The following SETD5 variants were observed in gnomAD, a reference collection of about 807,000 sequenced individuals.
SETD5 encodes histone-lysine N-methyltransferase SETD5.
SETD5 carries 44 observed loss-of-function variants against 153.3 expected under a neutral mutation model. The observed-to-expected ratio is 0.29, with a 90% CI of 0.23 to 0.37. The LOEUF (loss-of-function observed/expected upper bound fraction) is 0.37, where lower values mean the gene tolerates loss of function less well. Ranked by LOEUF, SETD5 falls within the 10% of genes least tolerant of loss-of-function variation. The pLI is 1.00. For synonymous variants in SETD5, 716 were observed against 645.2 expected, an observed-to-expected ratio of 1.11 and a Z score of -1.66; for missense variants, 1,544 against 1,768.0, an observed-to-expected ratio of 0.87 and a Z score of 2.27.
At chr3:9,471,586 C>G (rs772545114) in intron 19 of SETD5, among the ~76,000 whole-genome samples, 8 of 152,266 alleles carry the variant, frequency 5.3e-5, no homozygotes, top group Admixed American at 1.3e-4. Flanking sequence ...CCGGGGGAGC[C>G]AGGAGGAAAG....
In SETD5 at chr3:9,474,572, G is replaced by A; in HGVS notation, c.3621G>A (p.Glu1207=). The A allele has an allele frequency of 6.2e-7, 1 of 1,613,770 alleles. No individual in the cohort carries two copies. The highest frequency in any genetic ancestry group is 2.2e-5 in the East Asian group (1 of 44,872). Residue 1207 remains glutamate (E), a synonymous_variant, in exon 21 of 23, where the codon GAG becomes GAA. Coordinates refer to ENST00000402198, the MANE Select transcript of SETD5 (RefSeq NM_001080517.3). The part of the protein sequence containing the change: ...PSPTWESNIT[E]KDSDPADGEG... ...CCACATGGGAGAGTAACATCACAGAGAAAGACTCAGGTGAGCCCATGGCCT... is the reference window on the plus strand; with the variant it reads ...CCACATGGGAGAGTAACATCACAGAAAAAGACTCAGGTGAGCCCATGGCCT...
At chr3:9,427,729 T>C (rs908698782) in intron 2 of SETD5, among the ~76,000 whole-genome samples, 6 of 152,216 alleles carry the variant, frequency 3.9e-5, no homozygotes, top group African/African-American at 1.4e-4. Context: ...CATGGGTCTT[T>C]GACATTCACA....
intron 3 of SETD5, chr3:9,429,695 A>G (rs2039748715): frequency 5.3e-6 from 2 of 377,910 alleles, no homozygotes; most frequent in Admixed American, 4.7e-5. Flanking sequence ...AACTTTATAT[A>G]TATTATTCAC....
At chr3:9,436,824 T>C (rs1421108109) in intron 7 of SETD5, 2 of 1,549,412 alleles carry the variant, frequency 1.3e-6, no homozygotes, top group East Asian at 4.9e-5. Context: ...TTTTGTTTGT[T>C]CTACTTGTTT....
intron 7 of SETD5, among the ~76,000 whole-genome samples, chr3:9,437,524 T>TGTGTGTGTGTGTGTGTGTGTGC (rs1559407684): frequency 6.8e-6 from 1 of 147,798 alleles, no homozygotes; most frequent in African/African-American, 2.5e-5. Flanking sequence ...CTCCTTTACG[T>TGTGTGTGTGTGTGTGTGTGTGC]GTGTGTGTGT....
intron 21 of SETD5, chr3:9,474,812 C>T: frequency 1.6e-6 from 1 of 634,220 alleles, no homozygotes; most frequent in Non-Finnish European, 2.7e-6. Flanking sequence ...TTCTGTAACT[C>T]TCATCTCTCC....
At position 9,445,569 on chromosome 3, in the gene SETD5, GTTA is replaced by G. The variant is rs2125241297; in HGVS notation, c.1441-86_1441-84del. Reference sequence around the variant, plus strand: ...TTAACAGTTTAAAGCACTAGAGATTGTTATAGAGAGTTTTAAGCTACCAGAATA... The same window carrying G: ...TTAACAGTTTAAAGCACTAGAGATTGTAGAGAGTTTTAAGCTACCAGAATA... On this transcript the variant is annotated intron_variant, in intron 12 of 22. Transcript: ENST00000402198. 11 of 1,186,708 alleles carry G rather than the reference GTTA, an allele frequency of 9.3e-6. No individual in the cohort carries two copies. The South Asian group carries it at 1.4e-4, about 15-fold the overall frequency. 73.5% of individuals were successfully genotyped at this position (1,186,708 alleles called of 1,614,324 possible).
chr3:9,461,581 AAG>A (rs1477264588), intron 17 of SETD5, among the ~76,000 whole-genome samples: 7 of 152,316 alleles, frequency 4.6e-5, no homozygotes, highest in East Asian at 1.9e-4. Flanking sequence ...ATGCAGGAAA[AAG>A]AGAAAAAGTA....
chr3:9,445,244 A>G lies in SETD5; in HGVS notation c.1384A>G (p.Asn462Asp). Residue 462 changes from asparagine to aspartate, a missense_variant, in exon 12 of 23, where the codon AAT becomes GAT. This residue lies in a region of SETD5 where 782 missense variants were observed against 787.2 expected (regional missense o/e 0.99). Transcript: ENST00000402198. ...GCAGAATGAGGCTTCAGAGGAGAAT[A>G]ATGACCAGCAATCACAAGAAGTTCC... is the stretch of plus-strand genomic sequence containing the variant. ...EQQNEASEEN[N>D]DQQSQEVPEK... 6.2e-7 allele frequency: 1 copy of G among 1,611,460 alleles called. No homozygotes were observed. The highest frequency in any genetic ancestry group is 1.3e-5 in the African/African-American group (1 of 75,040).
Position 9,444,706 on chromosome 3 carries a change from C to T in SETD5, c.1188-342C>T, listed in dbSNP as rs1223293924. On this transcript the variant is annotated intron_variant, in intron 11 of 22. Coordinates refer to ENST00000402198, the MANE Select transcript of SETD5 (RefSeq NM_001080517.3). ...AGGAGTTCAAGACCAGCCTAGACAACATGGCAAAACCCCGTCTCTGCCGAA... is the reference window on the plus strand; with the variant it reads ...AGGAGTTCAAGACCAGCCTAGACAATATGGCAAAACCCCGTCTCTGCCGAA... Among the ~76,000 whole-genome samples the T allele has an allele frequency of 5.9e-5, 9 of 151,674 alleles. No individual in the cohort carries two copies. The East Asian group carries it at 7.7e-4, about 13-fold the overall frequency.
chr3:9,397,845 A>G lies in SETD5; in HGVS notation c.-309A>G, dbSNP rs1179094283. On this transcript the variant is annotated 5_prime_UTR_variant, in exon 1 of 23. Transcript: ENST00000402198. ...CTCCGCCTTTCTGCCCCCCACCCCC[A>G]CCTCACGGGTACGGGCCATTCCCGG... 2 of 21,000 alleles carry G rather than the reference A, an allele frequency of 9.5e-5. No individual in the cohort carries two copies. The highest frequency in any genetic ancestry group is 1.8e-4 in the Non-Finnish European group (2 of 11,386). The allele number at this position is 21,000 out of a possible 1,614,324, so 1.3% of individuals were successfully genotyped here.
rs772970208 is a variant in SETD5 at position 9,470,630 on chromosome 3, C to G, written c.2896C>G (p.His966Asp). The G allele has an allele frequency of 6.2e-7, 1 of 1,613,984 alleles. No homozygotes were observed. The highest frequency in any genetic ancestry group is 8.5e-7 in the Non-Finnish European group (1 of 1,179,882). Residue 966 changes from histidine to aspartate, a missense_variant, in exon 19 of 23, where the codon CAT becomes GAT. By Grantham distance (81) the His-to-Asp change is moderately conservative (BLOSUM62 -1). Around this residue, in one of 9 missense-constraint regions of SETD5, gnomAD observed 782 missense variants for 787.2 expected, o/e 0.99. Transcript: ENST00000402198. ...TTTCCCAAGCAGAAGTGGAGATGGA[C>G]ATCAGACCCTCGTGAGAAACTCAGA... is the stretch of plus-strand genomic sequence containing the variant. ...TGFPSRSGDG[H>D]QTLVRNSDQA...
At chr3:9,420,852 T>C (rs559611224) in intron 1 of SETD5, among the ~76,000 whole-genome samples, 1 of 152,088 alleles carries the variant, frequency 6.6e-6, no homozygotes, top group East Asian at 1.9e-4. Context: ...TTCATGTTTC[T>C]CACATTTTTT....
intron 1 of SETD5, among the ~76,000 whole-genome samples, chr3:9,399,146 CAT>C (rs570851158): frequency 8.3e-4 from 127 of 152,296 alleles, no homozygotes; most frequent in Middle Eastern, 3.4e-3. Flanking sequence ...TTTTAGATGA[CAT>C]ATTTGTGACC....
intron 1 of SETD5, among the ~76,000 whole-genome samples, chr3:9,409,381 A>G (rs910161477): frequency 3.9e-5 from 6 of 152,184 alleles, no homozygotes; most frequent in African/African-American, 1.4e-4. Context: ...AGCAACATCT[A>G]AAGACGTGAA....
intron 1 of SETD5, among the ~76,000 whole-genome samples, chr3:9,419,881 A>C (rs888404493): frequency 1.3e-5 from 2 of 152,208 alleles, no homozygotes; most frequent in African/African-American, 4.8e-5. Flanking sequence ...AAAATGAAGA[A>C]GATCTGAATT....
chr3:9,464,142 G>T lies in SETD5; in HGVS notation c.2477-283G>T, dbSNP rs1439356459. On this transcript the variant is annotated intron_variant, in intron 17 of 22. Transcript: ENST00000402198. ...GGCTCTGTCTCATAAATAAATAAAT[G>T]AATAAATGAAAGAATTTTATATTTT... Among the ~76,000 whole-genome samples the T allele has an allele frequency of 2.0e-5, 3 of 152,160 alleles. No homozygotes were observed. The East Asian group carries it at 5.8e-4, about 29-fold the overall frequency.
At chr3:9,441,961 C>T (rs1316072713) in intron 9 of SETD5, among the ~76,000 whole-genome samples, 167 bp from the exon 10 acceptor site, 1 of 152,198 alleles carries the variant, frequency 6.6e-6, no homozygotes, top group Non-Finnish European at 1.5e-5. Context: ...GCATTCCTTG[C>T]TTTGTGCTTG....
intron 1 of SETD5, among the ~76,000 whole-genome samples, chr3:9,415,682 C>G (rs4254639): frequency 6.6e-6 from 1 of 151,888 alleles, no homozygotes; most frequent in Non-Finnish European, 1.5e-5. Context: ...TAATTAGGCT[C>G]AAGGGATCGG....
Sources: gnomAD v4.1 joint callset for allele counts (sites outside exome capture counted in the v4.1 genomes callset) on GRCh38, gnomAD v4.1.1 for gene constraint, gnomAD v4.1.1 regional missense constraint, MANE v1.5 for transcripts, NCBI Gene and HGNC (gene_info 2026-07-23, HGNC 2026-07-21) for gene names.